KCNK10: variants seen among roughly 807,000 people sequenced by gnomAD.
KCNK10 encodes potassium two pore domain channel subfamily K member 10.
Under a neutral mutation model 47.7 loss-of-function variants are expected in KCNK10, and 25 were observed. The ratio of observed to expected loss-of-function variants is 0.52; its 90% CI spans 0.38 to 0.73. The LOEUF (loss-of-function observed/expected upper bound fraction) is 0.73. Ranked by LOEUF, KCNK10 falls within the 30% of genes least tolerant of loss-of-function variation. The pLI, the probability that KCNK10 is intolerant of heterozygous loss-of-function variation, is 0.00. For synonymous variants in KCNK10, 303 were observed against 285.6 expected, an observed-to-expected ratio of 1.06 and a Z score of -0.61; for missense variants, 563 against 714.5, an observed-to-expected ratio of 0.79 and a Z score of 2.42.
At chr14:88,302,183 C>G (rs974874079) in intron 1 of KCNK10, among the ~76,000 whole-genome samples, 1 of 152,006 alleles carries the variant, frequency 6.6e-6, no homozygotes, top group Admixed American at 6.6e-5. Context: ...ATGGCGGTGC[C>G]CATCAATGAG....
chr14:88,209,468 G>A (rs980797150), intron 4 of KCNK10, among the ~76,000 whole-genome samples: 18 of 152,232 alleles, frequency 1.2e-4, no homozygotes, highest in Admixed American at 2.6e-4. Flanking sequence ...GAATGGCAAC[G>A]GCATCCCCTG....
chr14:88,210,878 A>G (rs936445471), intron 4 of KCNK10, among the ~76,000 whole-genome samples: 9 of 152,124 alleles, frequency 5.9e-5, no homozygotes, highest in African/African-American at 1.9e-4. Context: ...GGAAGTGGAA[A>G]GACAGAATCC....
intron 1 of KCNK10, among the ~76,000 whole-genome samples, chr14:88,274,979 A>AC (rs1233402335): frequency 1.3e-5 from 2 of 151,120 alleles, no homozygotes; most frequent in African/African-American, 2.4e-5. Context: ...CCTTCCCCTC[A>AC]CCCCTACCCC....
chr14:88,244,290 T>C (rs1413492583), intron 2 of KCNK10, among the ~76,000 whole-genome samples: 2 of 152,214 alleles, frequency 1.3e-5, no homozygotes, highest in African/African-American at 2.4e-5. Context: ...CAGTTCTAAT[T>C]TTTATTAATT....
At chr14:88,319,673 T>C (rs951480271) in intron 1 of KCNK10, among the ~76,000 whole-genome samples, 1 of 152,166 alleles carries the variant, frequency 6.6e-6, no homozygotes, top group Non-Finnish European at 1.5e-5. Flanking sequence ...TCCTATTCCA[T>C]TCCCTTTTCC....
chr14:88,299,441 T>A (rs1461521077), intron 1 of KCNK10, among the ~76,000 whole-genome samples: 1 of 152,184 alleles, frequency 6.6e-6, no homozygotes, highest in South Asian at 2.1e-4. Context: ...CATATGTTCA[T>A]CTCCTCCATC....
At chr14:88,246,263 A>AG (rs1419632197) in intron 2 of KCNK10, among the ~76,000 whole-genome samples, 16 of 129,590 alleles carry the variant, frequency 1.2e-4, no homozygotes, top group Non-Finnish European at 2.3e-4. Context: ...ACTCCGTCTC[A>AG]GAAAAAAAAA....
At chr14:88,192,463 C>G in intron 4 of KCNK10, 53 bp from the exon 5 acceptor site, 1 of 1,498,738 alleles carries the variant, frequency 6.7e-7, no homozygotes, top group Admixed American at 1.7e-5. Flanking sequence ...ACCCTGGATT[C>G]AGGATATAGA....
intron 1 of KCNK10, among the ~76,000 whole-genome samples, chr14:88,271,429 T>C (rs1430355146): frequency 6.6e-6 from 1 of 152,146 alleles, no homozygotes; most frequent in Non-Finnish European, 1.5e-5. Flanking sequence ...AGTCAAGGTG[T>C]TAACATTCTC....
intron 1 of KCNK10, among the ~76,000 whole-genome samples, chr14:88,287,854 C>G (rs1250166976): frequency 1.3e-5 from 2 of 152,094 alleles, no homozygotes. Context: ...TTCTTTTCCT[C>G]TAGGTATGCA....
chr14:88,277,440 A>G (rs1298211557), intron 1 of KCNK10, among the ~76,000 whole-genome samples: 6 of 152,216 alleles, frequency 3.9e-5, no homozygotes, highest in Non-Finnish European at 8.8e-5. Context: ...AAATGCATCT[A>G]TCAGAGGCTG....
At chr14:88,205,076 G>T (rs753765514) in intron 4 of KCNK10, among the ~76,000 whole-genome samples, 2 of 152,182 alleles carry the variant, frequency 1.3e-5, no homozygotes, top group African/African-American at 4.8e-5. Flanking sequence ...TGGCAATCAT[G>T]GATCTTTGTA....
chr14:88,280,774 T>A (rs975629171), intron 1 of KCNK10, among the ~76,000 whole-genome samples: 3 of 152,032 alleles, frequency 2.0e-5, no homozygotes, highest in East Asian at 1.9e-4. Context: ...CTTCCCTCTG[T>A]CCCCCTGGCC....
At chr14:88,287,682 T>G (rs1243425135) in intron 1 of KCNK10, among the ~76,000 whole-genome samples, 3 of 7,790 alleles carry the variant, frequency 3.9e-4, no homozygotes, top group Non-Finnish European at 1.7e-3. Flanking sequence ...ATGGTGTGTG[T>G]GTGTGTGTGT....
chr14:88,217,766 A>C lies in KCNK10; in HGVS notation c.681+9609T>G, dbSNP rs1333300328. Among the ~76,000 whole-genome samples the C allele has an allele frequency of 2.0e-5, 3 of 151,462 alleles. No individual in the cohort carries two copies. In the East Asian group the frequency reaches 5.8e-4, roughly 29 times the overall value. ...GAGACAGAGTTTCACTCTGTCACCCAGGCTGGAGTGCAGTGACACAATCTC... is the reference window on the plus strand; with the variant it reads ...GAGACAGAGTTTCACTCTGTCACCCCGGCTGGAGTGCAGTGACACAATCTC... On this transcript the variant is annotated intron_variant, in intron 4 of 6. Transcript: ENST00000319231.
chr14:88,305,056 G>A (rs10146950), intron 1 of KCNK10, among the ~76,000 whole-genome samples: 1,957 of 152,140 alleles, frequency 0.013, 48 homozygotes, highest in African/African-American at 0.045. Flanking sequence ...AAAGTTAGCC[G>A]GATATGGTGG....
In KCNK10 at chr14:88,186,854, A is replaced by G. The variant is rs2139820942; in HGVS notation, c.1012-699T>C. ...CCACTTCCCCCAGTCAGGGTGCAGGAAGACGGCCTATTCTGCCAAAGCCCA... is the reference window on the plus strand; with the variant it reads ...CCACTTCCCCCAGTCAGGGTGCAGGGAGACGGCCTATTCTGCCAAAGCCCA... On this transcript the variant is annotated intron_variant, in intron 6 of 6. Transcript: ENST00000319231. This position sits in a 1 kb window ranked among gnomAD's most constrained non-coding sequence, Gnocchi z 5.5. 6.6e-6 allele frequency among the ~76,000 whole-genome samples: 1 copy of G among 152,310 alleles called. No individual in the cohort carries two copies. Among genetic ancestry groups the G allele is most frequent in the Middle Eastern group, 3.4e-3 (1 of 294 alleles).
At chr14:88,276,816 C>A (rs1167608547) in intron 1 of KCNK10, among the ~76,000 whole-genome samples, 1 of 152,278 alleles carries the variant, frequency 6.6e-6, no homozygotes, top group East Asian at 1.9e-4. Flanking sequence ...TGCCCCATGG[C>A]AGTCCTGCCC....
At chr14:88,242,643 G>A (rs1248207671) in intron 2 of KCNK10, among the ~76,000 whole-genome samples, 1 of 152,164 alleles carries the variant, frequency 6.6e-6, no homozygotes, top group African/African-American at 2.4e-5. Flanking sequence ...GACTGTCTTT[G>A]CATAAATCAG....
Sources: gnomAD v4.1 joint callset for allele counts (sites outside exome capture counted in the v4.1 genomes callset) on GRCh38, gnomAD v4.1.1 for gene constraint, Gnocchi (gnomAD v3.1) non-coding constraint, MANE v1.5 for transcripts, NCBI Gene and HGNC (gene_info 2026-07-23, HGNC 2026-07-21) for gene names.